Variants in DCDC1 observed in about 807,000 individuals in gnomAD.
DCDC1 encodes the protein doublecortin domain-containing protein 1.
DCDC1 carries 200 observed loss-of-function variants against 178.3 expected under a neutral mutation model. The observed-to-expected ratio is 1.12, with a 90% CI of 1.00 to 1.26. DCDC1 has a LOEUF of 1.26. Among genes scored for constraint, DCDC1 ranks in the 50% most tolerant of loss-of-function variants. The pLI is 0.00. For missense variants in DCDC1, 1,983 were observed against 1,749.2 expected (o/e 1.13, Z -2.38); for synonymous variants, 690 against 604.8 (o/e 1.14, Z -2.07).
chr11:31,053,472 C>T (rs1955394315), intron 20 of DCDC1, among the ~76,000 whole-genome samples: 1 of 152,106 alleles, frequency 6.6e-6, no homozygotes, highest in Admixed American at 6.6e-5. Context: ...CTCCTTAATT[C>T]ATTCTATGAA....
chr11:31,332,073 T>C (rs1041041444), intron 2 of DCDC1, among the ~76,000 whole-genome samples: 1 of 152,188 alleles, frequency 6.6e-6, no homozygotes, highest in African/African-American at 2.4e-5. Context: ...TATTGGTCTA[T>C]TCAGAGATTC....
chr11:31,237,075 C>T lies in DCDC1; in HGVS notation c.1221+4375G>A, dbSNP rs372275364. Among the ~76,000 whole-genome samples the T allele has an allele frequency of 7.2e-5, 11 of 151,810 alleles. No individual in the cohort carries two copies. The East Asian group carries it at 2.1e-3, about 29-fold the overall frequency. On this transcript the variant is annotated intron_variant, in intron 9 of 38. Transcript: ENST00000684477. Reference sequence around the variant, plus strand: ...ACTTTATGCAATAAACAAATTTTGTCAATAATAAATGTAATTCAAGCATAT... The same window carrying T: ...ACTTTATGCAATAAACAAATTTTGTTAATAATAAATGTAATTCAAGCATAT...
chr11:30,916,959 T>C lies in DCDC1; in HGVS notation c.3363A>G (p.Glu1121=), dbSNP rs1413138118. ...CHTLPRYAWQ[E]TSHDFDEDDS... is the part of the protein sequence containing the mutation. ...CATCCTCATCAAAGTCATGTGAAGT[T>C]TCCTGCCAGGCATACCTGGGAAGTG... is the stretch of plus-strand genomic sequence containing the variant. Residue 1121 remains glutamate (E), a synonymous_variant, in exon 26 of 39, where the codon GAA becomes GAG. Transcript: ENST00000684477. 1.1e-5 allele frequency: 18 copies of C among 1,611,330 alleles called. No homozygotes were observed. The highest frequency in any genetic ancestry group is 1.4e-5 in the Non-Finnish European group (17 of 1,178,850).
intron 20 of DCDC1, among the ~76,000 whole-genome samples, chr11:31,010,944 T>C (rs764614325): frequency 9.2e-5 from 14 of 152,170 alleles, no homozygotes; most frequent in Admixed American, 5.9e-4. Flanking sequence ...TAAACTAATA[T>C]TGAAATGTTT....
chr11:31,215,002 A>G (rs1973355049), intron 9 of DCDC1, among the ~76,000 whole-genome samples: 1 of 151,952 alleles, frequency 6.6e-6, no homozygotes, highest in Non-Finnish European at 1.5e-5. Context: ...TTTAATAGTT[A>G]CATATTAAAC....
At chr11:31,119,450 G>T (rs1242705976) in intron 11 of DCDC1, among the ~76,000 whole-genome samples, 3 of 152,088 alleles carry the variant, frequency 2.0e-5, no homozygotes, top group African/African-American at 7.2e-5. Flanking sequence ...CATCCTAGGG[G>T]TTATAAATAC....
At chr11:31,176,073 A>C (rs1480174985) in intron 9 of DCDC1, among the ~76,000 whole-genome samples, 1 of 152,242 alleles carries the variant, frequency 6.6e-6, no homozygotes, top group African/African-American at 2.4e-5. Context: ...CTTTTACAGA[A>C]TGCCTAAAAA....
intron 20 of DCDC1, among the ~76,000 whole-genome samples, chr11:31,062,673 T>C (rs1956000614): frequency 6.6e-6 from 1 of 152,074 alleles, no homozygotes; most frequent in African/African-American, 2.4e-5. Context: ...ATTAAATAAA[T>C]AATAAATTGG....
intron 9 of DCDC1, among the ~76,000 whole-genome samples, chr11:31,239,525 T>C (rs1012914069): frequency 6.6e-6 from 1 of 151,932 alleles, no homozygotes; most frequent in Non-Finnish European, 1.5e-5. Context: ...TAAAAATACA[T>C]AATGAGCAAA....
At position 31,217,851 on chromosome 11, in the gene DCDC1, T is replaced by C. The variant is rs986252299; in HGVS notation, c.1221+23599A>G. Among the ~76,000 whole-genome samples the C allele has an allele frequency of 3.3e-5, 5 of 152,248 alleles. No homozygotes were observed. The East Asian group carries it at 9.6e-4, about 29-fold the overall frequency. ...TTATAGAATTGTCAGAGAAGTAATA[T>C]GCAAGTGGAATTCAACTGAAAAAAT... is the stretch of plus-strand genomic sequence containing the variant. On this transcript the variant is annotated intron_variant, in intron 9 of 38. Coordinates refer to ENST00000684477, the MANE Select transcript of DCDC1 (RefSeq NM_001387274.1).
At chr11:31,323,256 T>A (rs760192731) in intron 3 of DCDC1, among the ~76,000 whole-genome samples, 3 of 152,186 alleles carry the variant, frequency 2.0e-5, no homozygotes, top group Non-Finnish European at 2.9e-5. Flanking sequence ...AAAACAAACA[T>A]GCAGGTATAA....
At chr11:30,869,048 G>T (rs1452718377) in intron 38 of DCDC1, among the ~76,000 whole-genome samples, 1 of 152,244 alleles carries the variant, frequency 6.6e-6, no homozygotes, top group Admixed American at 6.5e-5. Context: ...CTTGTGAAAG[G>T]GGGTGACAAG....
chr11:31,139,877 G>C lies in DCDC1; in HGVS notation c.1222-2093C>G, dbSNP rs1025702314. ...AAAGCATCACAGCATAGTCCCAAAA[G>C]GGAAGTGCAGTAAGATATTAAGAAA... is the stretch of plus-strand genomic sequence containing the variant. On this transcript the variant is annotated intron_variant, in intron 9 of 38. Transcript: ENST00000684477. Among the ~76,000 whole-genome samples, 27 of 152,170 alleles carry C rather than the reference G, an allele frequency of 1.8e-4. 1 individual carries two copies. The highest frequency in any genetic ancestry group is 6.5e-4 in the African/African-American group (27 of 41,440).
chr11:31,105,180 G>A (rs768352376), intron 13 of DCDC1, among the ~76,000 whole-genome samples: 1 of 151,950 alleles, frequency 6.6e-6, no homozygotes, highest in Non-Finnish European at 1.5e-5. Flanking sequence ...GGTGCTTTAT[G>A]TTGGACTGGA....
intron 9 of DCDC1, among the ~76,000 whole-genome samples, chr11:31,202,770 G>T (rs1971441189): frequency 6.6e-6 from 1 of 152,196 alleles, no homozygotes; most frequent in African/African-American, 2.4e-5. Flanking sequence ...GACAGAGTTT[G>T]TTGAGAGTTT....
At position 31,265,506 on chromosome 11, in the gene DCDC1, C is replaced by G; in HGVS notation, c.1054+1G>C. On this transcript the variant is annotated splice_donor_variant, in intron 8 of 38. Coordinates refer to ENST00000684477, the MANE Select transcript of DCDC1 (RefSeq NM_001387274.1). LOFTEE classifies it high-confidence loss of function. ...TGGTTTACAAAATCTTTGCCACTTA[C>G]CTTTTGAAATATCTTCAATTTTTCT... 1 of 1,403,464 alleles carries G rather than the reference C, an allele frequency of 7.1e-7. No individual in the cohort carries two copies. Among genetic ancestry groups the G allele is most frequent in the Non-Finnish European group, 9.4e-7 (1 of 1,062,224 alleles). 86.9% of individuals were successfully genotyped at this position (1,403,464 alleles called of 1,614,324 possible). A position where few individuals can be genotyped will look rare whatever the true frequency, so the allele number is the denominator to read the frequency against.
chr11:31,133,629 A>G (rs1290169755), intron 10 of DCDC1, among the ~76,000 whole-genome samples: 2 of 152,214 alleles, frequency 1.3e-5, no homozygotes, highest in Non-Finnish European at 2.9e-5. Context: ...GTAACTAACC[A>G]GGAAATCTGA....
intron 9 of DCDC1, among the ~76,000 whole-genome samples, chr11:31,190,703 G>A (rs1212603874): frequency 6.6e-6 from 1 of 152,054 alleles, no homozygotes; most frequent in Non-Finnish European, 1.5e-5. Context: ...CCAGGTGTGA[G>A]CAAACTTTAA....
chr11:30,900,669 C>A (rs566557366), intron 32 of DCDC1, among the ~76,000 whole-genome samples, 171 bp from the exon 33 acceptor site: 1 of 152,136 alleles, frequency 6.6e-6, no homozygotes, highest in Admixed American at 6.5e-5. Flanking sequence ...ACTTCATATA[C>A]AACCCAAAAA....
Sources: gnomAD v4.1 joint callset for allele counts (sites outside exome capture counted in the v4.1 genomes callset) on GRCh38, gnomAD v4.1.1 for gene constraint, MANE v1.5 for transcripts, NCBI Gene and HGNC (gene_info 2026-07-23, HGNC 2026-07-21) for gene names.